The following ANKRD50 variants were observed in gnomAD, a reference collection of about 807,000 sequenced individuals.
The protein encoded by ANKRD50 is ankyrin repeat domain-containing protein 50.
A neutral mutation model predicts 112.0 loss-of-function variants in ANKRD50; 40 were observed. The observed-to-expected ratio is 0.36, with a 90% CI of 0.28 to 0.46. ANKRD50 has a LOEUF of 0.46. Among genes scored for constraint, ANKRD50 ranks in the 20% least tolerant of loss-of-function variants. The pLI, the probability that ANKRD50 is intolerant of heterozygous loss-of-function variation, is 1.00. For missense variants in ANKRD50, 1,487 were observed against 1,701.7 expected (o/e 0.87, Z 2.22); for synonymous variants, 613 against 619.1 (o/e 0.99, Z 0.15).
At chr4:124,698,903 G>A (rs1446326812) in intron 2 of ANKRD50, among the ~76,000 whole-genome samples, 3 of 152,070 alleles carry the variant, frequency 2.0e-5, no homozygotes, top group African/African-American at 7.2e-5. Context: ...GGTTTCCAGT[G>A]TACAGACTGA....
intron 2 of ANKRD50, among the ~76,000 whole-genome samples, chr4:124,699,617 C>T (rs1231532419): frequency 6.6e-6 from 1 of 152,098 alleles, no homozygotes; most frequent in African/African-American, 2.4e-5. Context: ...ATATGACTCT[C>T]ATCAAATAAC....
Position 124,709,994 on chromosome 4 carries a change from T to C in ANKRD50, c.512+6A>G. ...AATCTGAACACCATGACATTTTTAT[T>C]GTTACCTTTTAAATGCTTCGGCTGG... is the stretch of plus-strand genomic sequence containing the variant. On this transcript the variant is annotated splice_donor_region_variant and intron_variant, in intron 2 of 4. Transcript: ENST00000504087. 6.3e-7 allele frequency: 1 copy of C among 1,595,212 alleles called. No homozygotes were observed. The highest frequency in any genetic ancestry group is 8.6e-7 in the Non-Finnish European group (1 of 1,169,170).
chr4:124,705,464 T>C (rs922526308), intron 2 of ANKRD50, among the ~76,000 whole-genome samples: 1 of 152,170 alleles, frequency 6.6e-6, no homozygotes, highest in African/African-American at 2.4e-5. Flanking sequence ...CTACCCAACA[T>C]AGGAAAACTG....
chr4:124,706,481 C>G (rs1725505307), intron 2 of ANKRD50, among the ~76,000 whole-genome samples: 1 of 151,982 alleles, frequency 6.6e-6, no homozygotes, highest in South Asian at 2.1e-4. Flanking sequence ...ATCACGTATT[C>G]TATCTACTAT....
chr4:124,675,807 C>T (rs1258435460), intron 3 of ANKRD50, among the ~76,000 whole-genome samples: 1 of 151,700 alleles, frequency 6.6e-6, no homozygotes, highest in African/African-American at 2.4e-5. Flanking sequence ...CAAGGCCTAA[C>T]AATGATCAGC....
intron 2 of ANKRD50, among the ~76,000 whole-genome samples, chr4:124,682,219 G>A (rs565479952): frequency 1.3e-5 from 2 of 151,304 alleles, no homozygotes; most frequent in African/African-American, 2.4e-5. Flanking sequence ...GGGAGGCTGA[G>A]GCAGGAGAAT....
rs760084524 is a variant in ANKRD50 at position 124,711,050 on chromosome 4, T to A, written c.-539A>T. On this transcript the variant is annotated 5_prime_UTR_variant, in exon 2 of 5. Transcript: ENST00000504087. ...CTCTGTATTTCTCGTTGAAGGATGA[T>A]CACTCAAGAGTACTAGATCGTGCCA... is the stretch of plus-strand genomic sequence containing the variant. 9.8e-6 allele frequency: 3 copies of A among 307,180 alleles called. No individual in the cohort carries two copies. The highest frequency in any genetic ancestry group is 4.3e-5 in the African/African-American group (2 of 46,666). 19.0% of individuals were successfully genotyped at this position (307,180 alleles called of 1,614,324 possible).
At chr4:124,695,314 G>T (rs1337217853) in intron 2 of ANKRD50, among the ~76,000 whole-genome samples, 2 of 152,116 alleles carry the variant, frequency 1.3e-5, no homozygotes, top group African/African-American at 4.8e-5. Context: ...CTTCCCAGGG[G>T]TTATTTGCTA....
rs759366021 is a variant in ANKRD50, at chr4:124,669,030, C to A, written c.4247G>T (p.Gly1416Val). 1 of 1,612,066 alleles carries A rather than the reference C, an allele frequency of 6.2e-7. No homozygotes were observed. Among genetic ancestry groups the A allele is most frequent in the African/African-American group, 1.3e-5 (1 of 74,722 alleles). Residue 1416 changes from glycine to valine, a missense_variant, in exon 4 of 5, where the codon GGT (glycine) becomes GTT (valine). By Grantham distance (109) the Gly-to-Val change is moderately radical. Around this residue, in one of 2 missense-constraint regions of ANKRD50, gnomAD observed 441 missense variants for 432.2 expected, o/e 1.02. Transcript: ENST00000504087. The stretch of plus-strand genomic sequence containing the variant: ...TTTATAGTTGAAGCTAGGGTCAGAA[C>A]CTTCAATCTGAAGCTTCAGAGCTTG... ...LKQALKLQIE[G>V]SDPSFNYKKE... is the part of the protein sequence containing the mutation.
At position 124,695,149 on chromosome 4, in the gene ANKRD50, CT is replaced by C. The variant is rs146470851; in HGVS notation, c.512+14850del. Among the ~76,000 whole-genome samples the C allele has an allele frequency of 9.9e-3, 1,501 of 152,148 alleles. 32 individuals are homozygous for C. Among genetic ancestry groups the C allele is most frequent in the African/African-American group, 0.035 (1,433 of 41,490 alleles). On this transcript the variant is annotated intron_variant, in intron 2 of 4. Transcript: ENST00000504087. ...TGTAGTAGGTGGCAGCAGCCCAAAA[CT>C]TCCATTGCAAGAACTAGAAAAAAAA...
intron 3 of ANKRD50, 101 bp from the exon 4 acceptor site, chr4:124,672,635 A>G (rs1730690061): frequency 3.7e-6 from 3 of 805,798 alleles, no homozygotes; most frequent in Non-Finnish European, 3.7e-6. Flanking sequence ...AAATCAATTA[A>G]TAAATTAATA....
At chr4:124,681,505 C>T (rs897458372) in intron 2 of ANKRD50, among the ~76,000 whole-genome samples, 1 of 152,166 alleles carries the variant, frequency 6.6e-6, no homozygotes, top group African/African-American at 2.4e-5. Context: ...CTCCCCTAGT[C>T]CTGGGCACAT....
chr4:124,697,430 G>T (rs1293839093), intron 2 of ANKRD50, among the ~76,000 whole-genome samples: 1 of 152,166 alleles, frequency 6.6e-6, no homozygotes, highest in African/African-American at 2.4e-5. Flanking sequence ...TTTAAGAGGT[G>T]AATAGGTTAT....
At chr4:124,700,764 G>A (rs1725371161) in intron 2 of ANKRD50, among the ~76,000 whole-genome samples, 1 of 152,102 alleles carries the variant, frequency 6.6e-6, no homozygotes, top group Non-Finnish European at 1.5e-5. Flanking sequence ...TTACTGTAGG[G>A]TTGCAGGTTG....
At chr4:124,702,020 TAAGAAA>T (rs1725404904) in intron 2 of ANKRD50, among the ~76,000 whole-genome samples, 1 of 152,190 alleles carries the variant, frequency 6.6e-6, no homozygotes, top group African/African-American at 2.4e-5. Context: ...TATTAAATGC[TAAGAAA>T]AAGAATGTTC....
At chr4:124,672,863 C>A (rs948897913) in intron 3 of ANKRD50, among the ~76,000 whole-genome samples, 1 of 152,000 alleles carries the variant, frequency 6.6e-6, no homozygotes, top group Non-Finnish European at 1.5e-5. Flanking sequence ...TTAACATCAT[C>A]TGAACTCCCA....
At chr4:124,682,696 C>T (rs1724920947) in intron 2 of ANKRD50, among the ~76,000 whole-genome samples, 1 of 151,848 alleles carries the variant, frequency 6.6e-6, no homozygotes, top group African/African-American at 2.4e-5. Flanking sequence ...GTTAGGCACA[C>T]CACCTTTCTT....
chr4:124,706,491 T>A (rs193044391), intron 2 of ANKRD50, among the ~76,000 whole-genome samples: 134 of 152,134 alleles, frequency 8.8e-4, no homozygotes, highest in South Asian at 2.1e-3. Context: ...CTATCTACTA[T>A]CATTAGGCAC....
intron 3 of ANKRD50, among the ~76,000 whole-genome samples, chr4:124,673,686 C>T (rs1730711187): frequency 6.6e-6 from 1 of 151,984 alleles, no homozygotes; most frequent in South Asian, 2.1e-4. Context: ...AAAAAGAGAC[C>T]AGTGAAGGAC....
Sources: allele counts gnomAD v4.1 joint callset (sites outside exome capture counted in the v4.1 genomes callset), GRCh38; gene constraint gnomAD v4.1.1; regional missense constraint gnomAD v4.1.1; transcripts MANE v1.5; gene names NCBI Gene and HGNC (gene_info 2026-07-23, HGNC 2026-07-21).